HDAC9: variants seen among roughly 807,000 people sequenced by gnomAD.
HDAC9 encodes MEF-2 interacting transcription repressor (MITR) protein.
In HDAC9, 41 loss-of-function variants were observed where a neutral mutation model predicts 139.4. That is an observed-to-expected ratio of 0.29 (90% CI 0.23 to 0.38). HDAC9 has a LOEUF of 0.38. Among genes scored for constraint, HDAC9 ranks in the 10% least tolerant of loss-of-function variants. The probability of loss-of-function intolerance (pLI) is 1.00; values close to 1 mark genes in which losing one functional copy is unlikely to be tolerated. For missense variants in HDAC9, 1,147 were observed against 1,297.0 expected (o/e 0.88, Z 1.78); for synonymous variants, 517 against 476.2 (o/e 1.09, Z -1.12).
At chr7:18,602,673 G>A (rs1834301614) in intron 6 of HDAC9, among the ~76,000 whole-genome samples, 3 of 151,806 alleles carry the variant, frequency 2.0e-5, no homozygotes, top group Non-Finnish European at 2.9e-5. Flanking sequence ...AAAATATTTT[G>A]AAATTTATCC....
At chr7:18,908,608 T>C (rs1433320242) in intron 22 of HDAC9, among the ~76,000 whole-genome samples, 1 of 152,098 alleles carries the variant, frequency 6.6e-6, no homozygotes, top group Non-Finnish European at 1.5e-5. Context: ...TGACATCAAC[T>C]CTTTTGGCTT....
At chr7:18,374,196 T>TAC (rs1784807431) in intron 1 of HDAC9, among the ~76,000 whole-genome samples, 1 of 139,418 alleles carries the variant, frequency 7.2e-6, no homozygotes, top group Non-Finnish European at 1.5e-5. Flanking sequence ...TGTATGTATG[T>TAC]GTGTATATAT....
intron 22 of HDAC9, among the ~76,000 whole-genome samples, chr7:18,935,568 G>A (rs1307585847): frequency 6.6e-6 from 1 of 152,164 alleles, no homozygotes; most frequent in African/African-American, 2.4e-5. Context: ...TGAAGAGCTA[G>A]ATTGGTGCCA....
chr7:18,510,970 G>T (rs113378825), intron 2 of HDAC9, among the ~76,000 whole-genome samples: 1 of 152,224 alleles, frequency 6.6e-6, no homozygotes, highest in East Asian at 1.9e-4. Context: ...AATTGAGTTC[G>T]TTGATAATAG....
At chr7:18,468,479 G>T (rs753389174) in intron 1 of HDAC9, among the ~76,000 whole-genome samples, 4 of 151,940 alleles carry the variant, frequency 2.6e-5, no homozygotes, top group Non-Finnish European at 4.4e-5. Flanking sequence ...GCCCAGGCTG[G>T]AATGCAGTGG....
At chr7:18,450,235 G>A (rs1792688805) in intron 1 of HDAC9, among the ~76,000 whole-genome samples, 1 of 152,178 alleles carries the variant, frequency 6.6e-6, no homozygotes. Context: ...ATTGTGAAAT[G>A]CTCACTCACT....
chr7:18,937,147 C>A lies in HDAC9; in HGVS notation c.2937+1205C>A, dbSNP rs1369549468. Among the ~76,000 whole-genome samples the A allele has an allele frequency of 3.4e-5, 5 of 148,928 alleles. No individual in the cohort carries two copies. In the South Asian group the frequency reaches 6.4e-4, roughly 19 times the overall value. On this transcript the variant is annotated intron_variant, in intron 23 of 25. Transcript: ENST00000686413. Reference sequence around the variant, plus strand: ...CTCCGCCACCCGGGTTGAAGTGATTCCCCTGCCTCAGCCACCCAAGTAGCT... The same window carrying A: ...CTCCGCCACCCGGGTTGAAGTGATTACCCTGCCTCAGCCACCCAAGTAGCT...
chr7:18,523,581 T>C (rs1370319109), intron 2 of HDAC9, among the ~76,000 whole-genome samples: 2 of 150,782 alleles, frequency 1.3e-5, no homozygotes, highest in African/African-American at 2.4e-5. Flanking sequence ...CCTTATATAT[T>C]TGCCCTTGTG....
chr7:18,276,799 C>T (rs1165440233), intron 2 of HDAC9, among the ~76,000 whole-genome samples: 6 of 152,200 alleles, frequency 3.9e-5, no homozygotes, highest in Admixed American at 3.9e-4. Flanking sequence ...TTCATTTTAG[C>T]CTGTCTAATA....
intron 1 of HDAC9, among the ~76,000 whole-genome samples, chr7:18,471,694 G>A (rs1359404027): frequency 6.6e-6 from 1 of 152,150 alleles, no homozygotes; most frequent in East Asian, 1.9e-4. Context: ...TGTTCTGTGT[G>A]CCAGTTTTTA....
intron 6 of HDAC9, among the ~76,000 whole-genome samples, chr7:18,614,817 A>G (rs1838141516): frequency 6.6e-6 from 1 of 152,192 alleles, no homozygotes; most frequent in African/African-American, 2.4e-5. Flanking sequence ...AATCTGTTCA[A>G]ACCATAATTC....
chr7:18,646,158 C>T (rs1364221965), intron 9 of HDAC9, among the ~76,000 whole-genome samples: 1 of 152,008 alleles, frequency 6.6e-6, no homozygotes, highest in African/African-American at 2.4e-5. Context: ...TCTCTATTTC[C>T]TGTCTCTTCT....
rs113210410 is a variant in HDAC9 at position 18,175,863 on chromosome 7, C to T, written c.25+13514C>T. Reference sequence around the variant, plus strand: ...GATGGTTGCTCCTCACATATCATTGCATAATTAACCTTTTCTCCCAGGCTC... The same window carrying T: ...GATGGTTGCTCCTCACATATCATTGTATAATTAACCTTTTCTCCCAGGCTC... On this transcript the variant is annotated intron_variant, in intron 2 of 12. Transcript: ENST00000417496. Among the ~76,000 whole-genome samples, 1,374 of 142,778 alleles carry T rather than the reference C, an allele frequency of 9.6e-3. 10 individuals carry two copies. The highest frequency in any genetic ancestry group is 0.04 in the South Asian group (173 of 4,290). The allele number at this position is 142,778 out of a possible 152,430, so 93.7% of individuals were successfully genotyped here.
rs191409271 is a variant in HDAC9, at chr7:18,437,578, A to G, written c.-41-58684A>G. Among the ~76,000 whole-genome samples the G allele has an allele frequency of 3.4e-5, 5 of 149,182 alleles. No homozygotes were observed. The East Asian group carries it at 9.7e-4, about 29-fold the overall frequency. On this transcript the variant is annotated intron_variant, in intron 1 of 3. Coordinates refer to the HDAC9 transcript ENST00000413509. ...TTATATATATATAATCTGAAAGTTT[A>G]TATATATATATAAACTTTATATAAA... is the stretch of plus-strand genomic sequence containing the variant.
chr7:18,272,967 A>G (rs371683773), intron 2 of HDAC9, among the ~76,000 whole-genome samples: 2 of 112,466 alleles, frequency 1.8e-5, no homozygotes, highest in African/African-American at 3.6e-5. Context: ...TACTACTACT[A>G]TTTCTTCCTC....
At chr7:18,711,508 C>T (rs996951571) in intron 12 of HDAC9, among the ~76,000 whole-genome samples, 4 of 152,194 alleles carry the variant, frequency 2.6e-5, no homozygotes, top group African/African-American at 7.2e-5. Context: ...CAGGTACTTC[C>T]GGGTCTTCCT....
At chr7:18,566,887 T>C (rs530521516) in intron 2 of HDAC9, among the ~76,000 whole-genome samples, 1 of 152,340 alleles carries the variant, frequency 6.6e-6, no homozygotes, top group African/African-American at 2.4e-5. Flanking sequence ...GTAGTAGGTT[T>C]GTACTCTAGG....
At chr7:18,757,726 A>G (rs549576604) in intron 14 of HDAC9, among the ~76,000 whole-genome samples, 4 of 152,164 alleles carry the variant, frequency 2.6e-5, no homozygotes, top group South Asian at 4.1e-4. Context: ...ATGAATCTAT[A>G]TCGTGTGTGT....
chr7:18,620,037 C>G (rs548187167), intron 6 of HDAC9, among the ~76,000 whole-genome samples: 35 of 152,238 alleles, frequency 2.3e-4, no homozygotes, highest in African/African-American at 7.0e-4. Flanking sequence ...GAAAAAGACT[C>G]TCTGTCTTTT....
Sources: allele counts gnomAD v4.1 joint callset (sites outside exome capture counted in the v4.1 genomes callset), GRCh38; gene constraint gnomAD v4.1.1; transcripts MANE v1.5; gene names NCBI Gene and HGNC (gene_info 2026-07-23, HGNC 2026-07-21).